Variants in COL6A5 observed in about 807,000 individuals in gnomAD.
COL6A5 encodes the protein collagen alpha-5(VI) chain.
In COL6A5, 48 loss-of-function variants were observed where a neutral mutation model predicts 65.6. The ratio of observed to expected loss-of-function variants is 0.73; its 90% CI spans 0.58 to 0.93. The LOEUF is 0.93. Ranked by LOEUF, COL6A5 falls within the 40% of genes least tolerant of loss-of-function variation. COL6A5 has a pLI of 0.00. For missense variants in COL6A5, 914 were observed against 928.3 expected, an observed-to-expected ratio of 0.98 and a Z score of 0.20; for synonymous variants, 291 against 322.8, an observed-to-expected ratio of 0.90 and a Z score of 1.05.
intron 5 of COL6A5, among the ~76,000 whole-genome samples, chr3:130,466,818 T>G (rs1330940709): frequency 2.0e-5 from 3 of 151,926 alleles, no homozygotes. Context: ...CAGGGAATAT[T>G]ATGAACAATC....
intron 7 of COL6A5, 88 bp from the exon 41 acceptor site, chr3:130,483,947 A>T (rs1710314741): frequency 8.9e-7 from 1 of 1,120,026 alleles, no homozygotes; most frequent in Non-Finnish European, 1.3e-6. Flanking sequence ...TTTGTTTTAT[A>T]TGTGGCATAT....
chr3:130,370,613 A>C (rs963565321), intron 1 of COL6A5, among the ~76,000 whole-genome samples: 7 of 152,192 alleles, frequency 4.6e-5, no homozygotes, highest in Non-Finnish European at 8.8e-5. Flanking sequence ...ATGAACAATA[A>C]AAAAGACAGA....
At chr3:130,464,625 A>G (rs1227170258) in intron 5 of COL6A5, among the ~76,000 whole-genome samples, 1 of 152,116 alleles carries the variant, frequency 6.6e-6, no homozygotes, top group Admixed American at 6.6e-5. Flanking sequence ...CTAACACACT[A>G]TGGCTGAGAA....
At chr3:130,471,074 T>TTTTG (rs1553760664) in intron 7 of COL6A5, 107 bp downstream of exon 39, 205 of 553,408 alleles carry the variant, frequency 3.7e-4, no homozygotes, top group Non-Finnish European at 5.4e-4. Flanking sequence ...GTGTGTGTTT[T>TTTTG]TGTGTGTGTG....
chr3:130,453,925 G>T (rs926719942), intron 4 of COL6A5, among the ~76,000 whole-genome samples: 9 of 152,160 alleles, frequency 5.9e-5, no homozygotes, highest in African/African-American at 2.2e-4. Context: ...GAAGCGTCTA[G>T]CAGCCAACAC....
chr3:130,407,195 C>A (rs1419514271), intron 17 of COL6A5, among the ~76,000 whole-genome samples: 4 of 152,020 alleles, frequency 2.6e-5, no homozygotes, highest in African/African-American at 9.7e-5. Context: ...GTAGCATAAG[C>A]AAAAACATGA....
Position 130,422,801 on chromosome 3 carries a change from C to T in COL6A5, c.5100+19C>T. ...ACTAGCAGTAAGTAGCCTATAATTC[C>T]AGAAATGATAAATATTCCTTTGGCA... On this transcript the variant is annotated intron_variant and NMD_transcript_variant, in intron 28 of 41. Coordinates refer to the COL6A5 transcript ENST00000312481. 7.1e-7 allele frequency: 1 copy of T among 1,407,322 alleles called. No individual in the cohort carries two copies. The highest frequency in any genetic ancestry group is 9.5e-7 in the Non-Finnish European group (1 of 1,051,302). The allele number at this position is 1,407,322 out of a possible 1,614,324, so 87.2% of individuals were successfully genotyped here.
At chr3:130,443,846 C>T (rs1024074790) in intron 4 of COL6A5, among the ~76,000 whole-genome samples, 1 of 152,112 alleles carries the variant, frequency 6.6e-6, no homozygotes. Flanking sequence ...AATTTATCTT[C>T]GATCCACCTC....
chr3:130,377,176 A>T (rs1223867463), intron 3 of COL6A5, among the ~76,000 whole-genome samples: 1 of 152,088 alleles, frequency 6.6e-6, no homozygotes, highest in Non-Finnish European at 1.5e-5. Context: ...ACTTCCTGTA[A>T]CTATCCATTT....
chr3:130,347,665 TC>T (rs1361502899), intron 1 of COL6A5, among the ~76,000 whole-genome samples: 2 of 152,216 alleles, frequency 1.3e-5, no homozygotes, highest in African/African-American at 4.8e-5. Flanking sequence ...GTTGTGATTT[TC>T]CTTCCTCAAG....
chr3:130,406,446 T>C, intron 17 of COL6A5, 125 bp downstream of exon 17: 2 of 704,992 alleles, frequency 2.8e-6, no homozygotes, highest in Non-Finnish European at 4.9e-6. Context: ...AATGAAGGCC[T>C]ATTGCTACTG....
intron 3 of COL6A5, among the ~76,000 whole-genome samples, chr3:130,377,544 C>T (rs1480910883): frequency 6.6e-6 from 1 of 152,176 alleles, no homozygotes; most frequent in Non-Finnish European, 1.5e-5. Flanking sequence ...GAGGGGATGC[C>T]CTCAGTGGTG....
chr3:130,373,645 A>G lies in COL6A5; in HGVS notation c.7A>G (p.Ile3Val). 1.3e-6 allele frequency: 2 copies of G among 1,532,842 alleles called. No individual in the cohort carries two copies. The highest frequency in any genetic ancestry group is 2.0e-5 in the Admixed American group (1 of 50,312). The allele number at this position is 1,532,842 out of a possible 1,614,324, so 95.0% of individuals were successfully genotyped here. A position where few individuals can be genotyped will look rare whatever the true frequency, so the allele number is the denominator to read the frequency against. Residue 3 changes from isoleucine to valine, a missense_variant and NMD_transcript_variant, in exon 2 of 42, where the codon ATC becomes GTC. By Grantham distance (29) the Ile-to-Val change is conservative. Transcript: ENST00000312481. ...AAAAATCTTCACTAACAAAATGAAG[A>G]TCTTGCTAATTATATTTGTCCTAAT...
At chr3:130,356,439 TC>T (rs1017172037) in intron 1 of COL6A5, among the ~76,000 whole-genome samples, 9 of 152,158 alleles carry the variant, frequency 5.9e-5, no homozygotes, top group Admixed American at 4.6e-4. Flanking sequence ...TTGTTTCTTT[TC>T]TAGCATTTAT....
intron 29 of COL6A5, among the ~76,000 whole-genome samples, chr3:130,424,410 T>A (rs760048630): frequency 5.3e-5 from 8 of 152,156 alleles, no homozygotes; most frequent in Admixed American, 2.0e-4. Flanking sequence ...CAGGCATATC[T>A]CCCACTGACG....
intron 7 of COL6A5, among the ~76,000 whole-genome samples, chr3:130,393,706 C>T (rs940245551): frequency 3.9e-5 from 6 of 152,182 alleles, no homozygotes; most frequent in East Asian, 3.9e-4. Flanking sequence ...GTGACATAGG[C>T]TAAACAAAGC....
At chr3:130,471,798 C>G (rs1311691885) in intron 7 of COL6A5, 1 of 1,535,028 alleles carries the variant, frequency 6.5e-7, no homozygotes, top group Non-Finnish European at 8.7e-7. Flanking sequence ...GGTTCTGAGA[C>G]AGCTACTGAT....
chr3:130,382,029 C>T (rs1936012612), intron 4 of COL6A5, among the ~76,000 whole-genome samples: 1 of 151,316 alleles, frequency 6.6e-6, no homozygotes, highest in African/African-American at 2.4e-5. Flanking sequence ...GGCAAAAATT[C>T]ACATGAAATT....
exon 8 of COL6A5, chr3:130,394,937 G>C (rs755764401): frequency 6.4e-7 from 1 of 1,551,516 alleles, no homozygotes; most frequent in South Asian, 1.2e-5. Flanking sequence ...CGATGGCTCT[G>C]ACAGGGTATC....
Sources: allele counts gnomAD v4.1 joint callset (sites outside exome capture counted in the v4.1 genomes callset), GRCh38; gene constraint gnomAD v4.1.1; transcripts MANE v1.5; gene names NCBI Gene and HGNC (gene_info 2026-07-23, HGNC 2026-07-21).